The following ATP6V1C1 variants were observed in gnomAD, a reference collection of about 807,000 sequenced individuals.
ATP6V1C1 encodes V-type proton ATPase subunit C 1.
ATP6V1C1 carries 45 observed loss-of-function variants against 53.9 expected under a neutral mutation model. The observed-to-expected ratio is 0.83, with a 90% CI of 0.66 to 1.07. The LOEUF is 1.07. Among genes scored for constraint, ATP6V1C1 ranks in the 50% least tolerant of loss-of-function variants. The pLI is 0.00. For synonymous variants in ATP6V1C1, 153 were observed against 155.2 expected (o/e 0.99, Z 0.11); for missense variants, 315 against 440.3 (o/e 0.72, Z 2.55).
At chr8:103,048,319 G>A (rs1817141346) in intron 3 of ATP6V1C1, among the ~76,000 whole-genome samples, 1 of 152,168 alleles carries the variant, frequency 6.6e-6, no homozygotes, top group Non-Finnish European at 1.5e-5. Context: ...AATAGTTTTG[G>A]CATTATGGCT....
At chr8:103,059,278 C>G (rs1200486703) in intron 8 of ATP6V1C1, among the ~76,000 whole-genome samples, 2 of 152,158 alleles carry the variant, frequency 1.3e-5, no homozygotes, top group African/African-American at 4.8e-5. Context: ...GCTCTAGCCT[C>G]ACCTGCAGTT....
intron 12 of ATP6V1C1, 128 bp downstream of exon 12, chr8:103,066,575 T>C: frequency 9.6e-7 from 1 of 1,038,688 alleles, no homozygotes; most frequent in East Asian, 2.8e-5. Flanking sequence ...TTTGAGGTTC[T>C]CAATTTGTTA....
At chr8:103,043,126 T>C (rs1383442004) in intron 3 of ATP6V1C1, among the ~76,000 whole-genome samples, 1 of 152,200 alleles carries the variant, frequency 6.6e-6, no homozygotes, top group Non-Finnish European at 1.5e-5. Context: ...GTGGAATTTC[T>C]GGGTCATATG....
Position 103,064,285 on chromosome 8 carries a change from C to T in ATP6V1C1, c.829-429C>T, listed in dbSNP as rs1512346. On this transcript the variant is annotated intron_variant, in intron 10 of 12. Coordinates refer to ENST00000518738, the MANE Select transcript of ATP6V1C1 (RefSeq NM_001695.5). The stretch of plus-strand genomic sequence containing the variant: ...GAGCTAGTGCTGTTAAATGACTTGC[C>T]TACATAACTGTTTATCTTTGTTACT... Among the ~76,000 whole-genome samples, 526 of 152,266 alleles carry T rather than the reference C, an allele frequency of 3.5e-3. 3 individuals carry two copies. Among genetic ancestry groups the T allele is most frequent in the African/African-American group, 0.012 (494 of 41,568 alleles).
At chr8:103,028,899 T>C (rs1418332121) in intron 1 of ATP6V1C1, among the ~76,000 whole-genome samples, 2 of 152,250 alleles carry the variant, frequency 1.3e-5, no homozygotes, top group Non-Finnish European at 2.9e-5. Flanking sequence ...CAGGGCTCTT[T>C]GTTATGATGC....
intron 12 of ATP6V1C1, 88 bp downstream of exon 12, chr8:103,066,535 T>C: frequency 7.4e-7 from 1 of 1,344,710 alleles, no homozygotes; most frequent in Non-Finnish European, 9.9e-7. Context: ...AAAGGGAGGG[T>C]AAGTATGAAA....
chr8:103,060,562 C>G (rs1817379657), intron 8 of ATP6V1C1, among the ~76,000 whole-genome samples: 2 of 152,146 alleles, frequency 1.3e-5, no homozygotes, highest in African/African-American at 4.8e-5. Flanking sequence ...GAAATGCTGT[C>G]TTAGTTTTAT....
rs1357437207 is a variant in ATP6V1C1 at position 103,070,614 on chromosome 8, T to C, written c.*1867T>C. On this transcript the variant is annotated 3_prime_UTR_variant, in exon 13 of 13. Coordinates refer to ENST00000518738, the MANE Select transcript of ATP6V1C1 (RefSeq NM_001695.5). Reference sequence around the variant, plus strand: ...TAAATTGACTTTTAAGAAAAACATGTCACTAACCTGAAGCTCAGCCACACA... The same window carrying C: ...TAAATTGACTTTTAAGAAAAACATGCCACTAACCTGAAGCTCAGCCACACA... 3 of 152,256 alleles carry C rather than the reference T, an allele frequency of 2.0e-5. No individual in the cohort carries two copies. The highest frequency in any genetic ancestry group is 1.3e-4 in the Admixed American group (2 of 15,290). The allele number at this position is 152,256 out of a possible 1,614,324, so 9.4% of individuals were successfully genotyped here.
chr8:103,043,858 A>T (rs1817046465), intron 3 of ATP6V1C1, among the ~76,000 whole-genome samples: 1 of 152,012 alleles, frequency 6.6e-6, no homozygotes, highest in Non-Finnish European at 1.5e-5. Flanking sequence ...TAACTTGCAA[A>T]TATTTTCTCC....
At chr8:103,059,780 C>T (rs1196603978) in intron 8 of ATP6V1C1, among the ~76,000 whole-genome samples, 1 of 151,720 alleles carries the variant, frequency 6.6e-6, no homozygotes, top group Non-Finnish European at 1.5e-5. Flanking sequence ...CAGTCCTCCA[C>T]ATTGCTGCTG....
At position 103,068,882 on chromosome 8, in the gene ATP6V1C1, C is replaced by A; in HGVS notation, c.*135C>A. ...GCCCTTTCCTAGGTGAATTCTCCCA[C>A]AGTGGTCTGTATCTCAACATTTTCT... On this transcript the variant is annotated 3_prime_UTR_variant, in exon 13 of 13. Coordinates refer to ENST00000518738, the MANE Select transcript of ATP6V1C1 (RefSeq NM_001695.5). 3.9e-6 allele frequency: 2 copies of A among 519,360 alleles called. No homozygotes were observed. Among genetic ancestry groups the A allele is most frequent in the South Asian group, 4.9e-5 (1 of 20,542 alleles). The allele number at this position is 519,360 out of a possible 1,614,324, so 32.2% of individuals were successfully genotyped here. A position where few individuals can be genotyped will look rare whatever the true frequency, so the allele number is the denominator to read the frequency against.
chr8:103,033,392 T>C (rs1459819177), intron 1 of ATP6V1C1, among the ~76,000 whole-genome samples: 1 of 152,246 alleles, frequency 6.6e-6, no homozygotes, highest in Non-Finnish European at 1.5e-5. Flanking sequence ...TAACCAACTA[T>C]AATCCAGGTG....
At chr8:103,049,449 A>G (rs1817161628) in intron 4 of ATP6V1C1, among the ~76,000 whole-genome samples, 1 of 152,188 alleles carries the variant, frequency 6.6e-6, no homozygotes, top group East Asian at 1.9e-4. Context: ...TACCCGTAAA[A>G]TAGCCTACTG....
chr8:103,068,795 A>G lies in ATP6V1C1; in HGVS notation c.*48A>G, dbSNP rs777987893. 6.6e-7 allele frequency: 1 copy of G among 1,522,560 alleles called. No individual in the cohort carries two copies. Among genetic ancestry groups the G allele is most frequent in the Admixed American group, 1.8e-5 (1 of 56,198 alleles). 94.3% of individuals were successfully genotyped at this position (1,522,560 alleles called of 1,614,324 possible). A position where few individuals can be genotyped will look rare whatever the true frequency, so the allele number is the denominator to read the frequency against. ...TCCTGTCCTTGTGTTTGTGTGTGCT[A>G]ACAGAAATAAGTTGCAGTATGGTCG... On this transcript the variant is annotated 3_prime_UTR_variant, in exon 13 of 13. Coordinates refer to ENST00000518738, the MANE Select transcript of ATP6V1C1 (RefSeq NM_001695.5).
chr8:103,042,222 T>G, intron 2 of ATP6V1C1, 118 bp from the exon 3 acceptor site: 1 of 961,744 alleles, frequency 1.0e-6, no homozygotes, highest in Middle Eastern at 2.4e-4. Context: ...TACTTACACA[T>G]TATGAAATAA....
At chr8:103,042,860 T>C (rs1817026123) in intron 3 of ATP6V1C1, among the ~76,000 whole-genome samples, 1 of 152,228 alleles carries the variant, frequency 6.6e-6, no homozygotes, top group South Asian at 2.1e-4. Context: ...ACGTGGTCTT[T>C]TGTGACTGTC....
rs1246458926 is a variant in ATP6V1C1, at chr8:103,045,614, A to G, written c.200+3207A>G. The stretch of plus-strand genomic sequence containing the variant: ...CAAAGCACTAACTGATGGAAAGAAT[A>G]GTCTCTTGGTTCCTTGCTTATACAT... On this transcript the variant is annotated intron_variant, in intron 3 of 12. Coordinates refer to ENST00000518738, the MANE Select transcript of ATP6V1C1 (RefSeq NM_001695.5). 2.0e-5 allele frequency among the ~76,000 whole-genome samples: 3 copies of G among 152,210 alleles called. No individual in the cohort carries two copies. The East Asian group carries it at 5.8e-4, about 29-fold the overall frequency.
chr8:103,042,551 T>A (rs1817020227), intron 3 of ATP6V1C1, 144 bp downstream of exon 3: 3 of 695,076 alleles, frequency 4.3e-6, no homozygotes, highest in Non-Finnish European at 7.2e-6. Context: ...ATATCAATTT[T>A]ATGAAGGTAC....
intron 1 of ATP6V1C1, among the ~76,000 whole-genome samples, chr8:103,032,416 A>C (rs1327924677): frequency 6.6e-6 from 1 of 152,136 alleles, no homozygotes; most frequent in Non-Finnish European, 1.5e-5. Context: ...TAGGAGTATA[A>C]AATGTTATAT....
Sources: gnomAD v4.1 joint callset for allele counts (sites outside exome capture counted in the v4.1 genomes callset) on GRCh38, gnomAD v4.1.1 for gene constraint, MANE v1.5 for transcripts, NCBI Gene and HGNC (gene_info 2026-07-23, HGNC 2026-07-21) for gene names.